TJP3: variants seen among roughly 807,000 people sequenced by gnomAD.
TJP3 encodes the protein tight junction protein 3, also known as tight junction protein ZO-3.
Under a neutral mutation model 104.2 loss-of-function variants are expected in TJP3, and 85 were observed. The ratio of observed to expected loss-of-function variants is 0.82; its 90% confidence interval spans 0.68 to 0.98. The LOEUF (loss-of-function observed/expected upper bound fraction) is 0.98. TJP3 is among the 50% of genes least tolerant of loss of function. TJP3 has a pLI of 0.00. For missense variants in TJP3, 1,367 were observed against 1,322.8 expected (o/e 1.03, Z -0.52); for synonymous variants, 550 against 550.6 (o/e 1.00, Z 0.02).
chr19:3,719,622 G>T (rs956837316), intron 1 of TJP3, among the ~76,000 whole-genome samples: 4 of 151,330 alleles, frequency 2.6e-5, no homozygotes. Context: ...TGTAGTCCCA[G>T]CTACTCGGGA....
At chr19:3,750,070 T>C (rs949481985) in intron 19 of TJP3, 68 bp from the exon 20 acceptor site, 15 of 1,601,444 alleles carry the variant, frequency 9.4e-6, no homozygotes, top group Admixed American at 3.3e-5. Flanking sequence ...GGGATGGAGG[T>C]GGTTATTGAT....
chr19:3,736,697 C>G (rs1324374966), intron 11 of TJP3, among the ~76,000 whole-genome samples: 1 of 151,178 alleles, frequency 6.6e-6, no homozygotes, highest in African/African-American at 2.4e-5. Flanking sequence ...TGCCTCACCT[C>G]CTGAGTAGCT....
At chr19:3,724,404 C>G (rs1269162187) in intron 1 of TJP3, among the ~76,000 whole-genome samples, 1 of 152,152 alleles carries the variant, frequency 6.6e-6, no homozygotes, top group Non-Finnish European at 1.5e-5. Context: ...ACCATGTTAG[C>G]CAGGATAGTC....
At position 3,738,980 on chromosome 19, in the gene TJP3, G is replaced by A. The variant is rs1463636964; in HGVS notation, c.1477G>A (p.Gly493Ser). ...TGAGCTGGAGCCCAGTCCACCGTCT[G>A]GCCTGGGCTTCACCCGTGGCGACGT... ...HFELEPSPPSGLGFTRGDVFH... is the reference protein window; with the variant it reads ...HFELEPSPPSSLGFTRGDVFH... Residue 493 changes from glycine (G) to serine (S), a missense_variant, in exon 13 of 21, where the codon GGC becomes AGC. Coordinates refer to ENST00000541714, the MANE Select transcript of TJP3 (RefSeq NM_001267560.2). 3 of 1,613,302 alleles carry A rather than the reference G, an allele frequency of 1.9e-6. No individual in the cohort carries two copies. Among genetic ancestry groups the A allele is most frequent in the South Asian group, 1.1e-5 (1 of 91,018 alleles).
intron 1 of TJP3, among the ~76,000 whole-genome samples, chr19:3,725,643 G>C (rs1480110166): frequency 7.0e-6 from 1 of 143,584 alleles, no homozygotes; most frequent in African/African-American, 2.6e-5. Flanking sequence ...AGTGAGCCGA[G>C]ACTACGCCAT....
At chr19:3,720,022 G>T (rs1270491035) in intron 1 of TJP3, among the ~76,000 whole-genome samples, 4 of 152,206 alleles carry the variant, frequency 2.6e-5, no homozygotes, top group African/African-American at 9.7e-5. Context: ...TGGAATTACA[G>T]GAGTGAGCCA....
Position 3,746,432 on chromosome 19 carries a change from C to CT in TJP3, c.2011-52dup. ...TCTTCATCTTTCTATCTTTCTCTCTCTGTTTACCCTGCTGCAATCCCCCTC... is the reference window on the plus strand; with the variant it reads ...TCTTCATCTTTCTATCTTTCTCTCTCTTGTTTACCCTGCTGCAATCCCCCTC... On this transcript the variant is annotated intron_variant, in intron 16 of 20. Transcript: ENST00000541714. The surrounding 1 kb of genome is among the most constrained non-coding windows in gnomAD (Gnocchi z 4.1). The CT allele has an allele frequency of 6.3e-7, 1 of 1,581,704 alleles. No homozygotes were observed.
chr19:3,728,400 A>G (rs763307531), intron 1 of TJP3, 24 bp from the exon 2 acceptor site: 1 of 1,614,098 alleles, frequency 6.2e-7, no homozygotes, highest in Non-Finnish European at 8.5e-7. Flanking sequence ...CCTCATGCCC[A>G]TCTTCCCCGC....
At chr19:3,710,252 T>C (rs1218948923) in intron 1 of TJP3, among the ~76,000 whole-genome samples, 1 of 150,288 alleles carries the variant, frequency 6.7e-6, no homozygotes, top group Non-Finnish European at 1.5e-5. Flanking sequence ...TCGGTCATTC[T>C]GGGGTCAAGA....
chr19:3,717,266 A>G (rs1036381450), intron 1 of TJP3, among the ~76,000 whole-genome samples: 7 of 145,904 alleles, frequency 4.8e-5, no homozygotes, highest in African/African-American at 1.2e-4. Context: ...CGCCTGGCCC[A>G]TGACTGTTAT....
At chr19:3,739,204 C>T (rs1291600198) in intron 13 of TJP3, 70 bp downstream of exon 13, 18 of 1,403,556 alleles carry the variant, frequency 1.3e-5, no homozygotes, top group Middle Eastern at 2.7e-4. Context: ...GAAATGGGCT[C>T]GATTGGGCTG....
intron 11 of TJP3, among the ~76,000 whole-genome samples, chr19:3,737,900 G>C (rs948298927): frequency 3.3e-5 from 5 of 152,148 alleles, no homozygotes; most frequent in Admixed American, 3.3e-4. Context: ...GACCCTGAGA[G>C]CAGGTGGCTG....
chr19:3,734,046 C>T, intron 7 of TJP3, 134 bp downstream of exon 7: 2 of 1,222,440 alleles, frequency 1.6e-6, no homozygotes, highest in Non-Finnish European at 2.3e-6. Context: ...TTGCTGAAGG[C>T]CACACAGCAA....
At chr19:3,737,546 C>G (rs998044087) in intron 11 of TJP3, among the ~76,000 whole-genome samples, 1 of 152,130 alleles carries the variant, frequency 6.6e-6, no homozygotes, top group African/African-American at 2.4e-5. Context: ...CATCATCCCC[C>G]CATCTCTGTC....
rs776236829 is a variant in TJP3, at chr19:3,750,152, C to T, written c.2625C>T (p.His875=). ...TCTCCTCCAAGGTGGACAGCCGCCA[C>T]CCCCAGGGACAGTGGCGACAGGACA... The part of the protein sequence containing the change: ...AHQGAQVDSR[H]PQGQWRQDSM... The change falls in exon 20 of 21, where the codon CAC becomes CAT. Residue 875 remains histidine, a synonymous_variant. Transcript: ENST00000541714. The T allele has an allele frequency of 1.2e-6, 2 of 1,614,094 alleles. No homozygotes were observed. Among genetic ancestry groups the T allele is most frequent in the Admixed American group, 3.3e-5 (2 of 60,020 alleles).
chr19:3,735,401 G>A (rs930218781), intron 8 of TJP3, among the ~76,000 whole-genome samples, 165 bp from the exon 9 acceptor site: 11 of 152,024 alleles, frequency 7.2e-5, no homozygotes, highest in African/African-American at 2.7e-4. Flanking sequence ...GTTTAACCTC[G>A]TTGGCCAGGC....
chr19:3,743,090 CCA>C (rs2036844410), intron 14 of TJP3, among the ~76,000 whole-genome samples: 1 of 151,728 alleles, frequency 6.6e-6, no homozygotes, highest in African/African-American at 2.4e-5. Flanking sequence ...ATGGTGAAAC[CCA>C]GTTTCTACTA....
intron 1 of TJP3, among the ~76,000 whole-genome samples, chr19:3,723,828 T>TA (rs1568380007): frequency 7.4e-6 from 1 of 134,474 alleles, no homozygotes; most frequent in South Asian, 2.4e-4. Flanking sequence ...TATATATATA[T>TA]AAAATAATAA....
intron 20 of TJP3, 150 bp from the exon 21 acceptor site, chr19:3,750,432 G>C: frequency 7.7e-6 from 6 of 782,110 alleles, no homozygotes; most frequent in South Asian, 7.0e-5. Flanking sequence ...GGGATGCATA[G>C]GAGTTTGTTA....
Sources: allele counts gnomAD v4.1 joint callset (sites outside exome capture counted in the v4.1 genomes callset), GRCh38; gene constraint gnomAD v4.1.1; non-coding constraint Gnocchi (gnomAD v3.1); transcripts MANE v1.5; gene names NCBI Gene and HGNC (gene_info 2026-07-23, HGNC 2026-07-21).